TIGD6: variants seen among roughly 807,000 people sequenced by gnomAD.
TIGD6 encodes the protein tigger transposable element derived 6.
In TIGD6, 1 loss-of-function variant was observed where a neutral mutation model predicts 2.6. That is an observed-to-expected ratio of 0.39 (90% confidence interval 0.14 to 1.85). TIGD6 has a LOEUF of 1.85. Ranked by LOEUF, TIGD6 falls within the 40% of genes most tolerant of loss-of-function variation. TIGD6 has a pLI of 0.32. For missense variants in TIGD6, 601 were observed against 634.2 expected, an observed-to-expected ratio of 0.95 and a Z score of 0.56; for synonymous variants, 193 against 221.9, an observed-to-expected ratio of 0.87 and a Z score of 1.16.
chr5:150,000,356 C>T (rs1167561917), intron 1 of TIGD6, 118 bp downstream of exon 1: 1 of 152,962 alleles, frequency 6.5e-6, no homozygotes, highest in East Asian at 1.9e-4. Flanking sequence ...TGAGGTCAGG[C>T]CTTGAACGTC....
rs1755332302 is a variant in TIGD6, at chr5:149,994,627, CA to C, written c.*155del. On this transcript the variant is annotated 3_prime_UTR_variant, in exon 2 of 2. Transcript: ENST00000296736. The stretch of plus-strand genomic sequence containing the variant: ...GCCAAAAACAAAAGAAAAGAAAACA[CA>C]CATATTAGTCAAATTCCATTCAAAG... 1.5e-6 allele frequency: 1 copy of C among 670,920 alleles called. No individual in the cohort carries two copies. The allele number at this position is 670,920 out of a possible 1,614,324, so 41.6% of individuals were successfully genotyped here. A position where few individuals can be genotyped will look rare whatever the true frequency, so the allele number is the denominator to read the frequency against.
rs1755317053 is a variant in TIGD6, at chr5:149,993,900, TA to T, written c.*882del. The T allele has an allele frequency of 6.6e-6, 1 of 151,728 alleles. No homozygotes were observed. 9.4% of individuals were successfully genotyped at this position (151,728 alleles called of 1,614,324 possible). A position where few individuals can be genotyped will look rare whatever the true frequency, so the allele number is the denominator to read the frequency against. ...CCACTGCATTCCAGCCTAGGCAATA[TA>T]ACAAGACCCCATCTTTAAAAACAAA... On this transcript the variant is annotated 3_prime_UTR_variant, in exon 2 of 2. Transcript: ENST00000296736.
At position 149,995,459 on chromosome 5, in the gene TIGD6, C is replaced by CT; in HGVS notation, c.889dup (p.Arg297LysfsTer46). 1.9e-6 allele frequency: 3 copies of CT among 1,614,268 alleles called. No individual in the cohort carries two copies. The highest frequency in any genetic ancestry group is 2.5e-6 in the Non-Finnish European group (3 of 1,180,050). On this transcript the variant is annotated frameshift_variant, in exon 2 of 2. Coordinates refer to ENST00000296736, the MANE Select transcript of TIGD6 (RefSeq NM_030953.4). LOFTEE classifies it low-confidence loss of function (END_TRUNC). ...GGAGGGCAGATACCCAACCTGAATCCTTTCCAAGTGTGGAAGCATGTTATG... is the reference window on the plus strand; with the variant it reads ...GGAGGGCAGATACCCAACCTGAATCCTTTTCCAAGTGTGGAAGCATGTTATG...
chr5:149,995,530 C>T lies in TIGD6; in HGVS notation c.819G>A (p.Lys273=). The change falls in exon 2 of 2, where the codon AAG becomes AAA. Residue 273 remains lysine (K), a synonymous_variant. Coordinates refer to ENST00000296736, the MANE Select transcript of TIGD6 (RefSeq NM_030953.4). The part of the protein sequence containing the change: ...EWLMQVDARM[K]RAERRILLLI... The stretch of plus-strand genomic sequence containing the variant: ...GCAAGAGGATCCGGCGTTCCGCCCT[C>T]TTCATCCTGGCATCCACTTGCATCA... 6.2e-7 allele frequency: 1 copy of T among 1,614,254 alleles called. No individual in the cohort carries two copies. The highest frequency in any genetic ancestry group is 8.5e-7 in the Non-Finnish European group (1 of 1,180,042).
chr5:149,997,830 G>A (rs550267349), intron 1 of TIGD6, among the ~76,000 whole-genome samples: 19 of 152,152 alleles, frequency 1.2e-4, no homozygotes, highest in East Asian at 3.9e-4. Context: ...GCGTGGTGGC[G>A]GGCGCCTGTA....
chr5:149,995,064 T>G lies in TIGD6; in HGVS notation c.1285A>C (p.Ile429Leu), dbSNP rs1755349722. The change falls in exon 2 of 2, where the codon ATC (isoleucine) becomes CTC (leucine). Residue 429 changes from isoleucine to leucine, a missense_variant. By Grantham distance (5) the Ile-to-Leu change is conservative. Transcript: ENST00000296736. The part of the protein sequence containing the change: ...DFVTADDDLI[I>L]SQDTDIIQDM... ...TGGATGATGTCTGTGTCCTGAGAGA[T>G]AATGAGATCATCATCTGCAGTAACA... is the stretch of plus-strand genomic sequence containing the variant. The G allele has an allele frequency of 1.9e-6, 3 of 1,614,128 alleles. No individual in the cohort carries two copies. Among genetic ancestry groups the G allele is most frequent in the Non-Finnish European group, 2.5e-6 (3 of 1,180,056 alleles).
In TIGD6 at chr5:149,996,380, A is replaced by G. The variant is rs1225273626; in HGVS notation, c.-32T>C. The G allele has an allele frequency of 6.4e-7, 1 of 1,561,434 alleles. No homozygotes were observed. On this transcript the variant is annotated 5_prime_UTR_variant, in exon 2 of 2. Coordinates refer to ENST00000296736, the MANE Select transcript of TIGD6 (RefSeq NM_030953.4). ...GGAATGAGGGCTGGCCACAACTAACAGGACTGTCTGGTTCCTCCTCGCGGC... is the reference window on the plus strand; with the variant it reads ...GGAATGAGGGCTGGCCACAACTAACGGGACTGTCTGGTTCCTCCTCGCGGC...
At chr5:149,999,987 A>T (rs1455596803) in intron 1 of TIGD6, 1 of 154,606 alleles carries the variant, frequency 6.5e-6, no homozygotes, top group African/African-American at 2.4e-5. Context: ...GGATGTGGGG[A>T]GAACTACATC....
chr5:150,000,148 TC>T (rs1245701847), intron 1 of TIGD6: 20 of 154,498 alleles, frequency 1.3e-4, no homozygotes, highest in African/African-American at 4.8e-4. Context: ...TCCAATCCAA[TC>T]CCTATTTGAT....
In TIGD6 at chr5:149,995,483, T is replaced by C. The variant is rs760982352; in HGVS notation, c.866A>G (p.His289Arg). The C allele has an allele frequency of 6.2e-7, 1 of 1,614,268 alleles. No individual in the cohort carries two copies. The highest frequency in any genetic ancestry group is 8.5e-7 in the Non-Finnish European group (1 of 1,180,046). The change falls in exon 2 of 2, where the codon CAT becomes CGT. Residue 289 changes from histidine (H) to arginine (R), a missense_variant. By Grantham distance (29) the His-to-Arg change is conservative. Transcript: ENST00000296736. ...ILLLIDNCSAHNMLPHLERIQ... is the reference protein window; with the variant it reads ...ILLLIDNCSARNMLPHLERIQ... ...CCTTTCCAAGTGTGGAAGCATGTTATGAGCAGAGCAGTTGTCTATGAGCAA... is the reference window on the plus strand; with the variant it reads ...CCTTTCCAAGTGTGGAAGCATGTTACGAGCAGAGCAGTTGTCTATGAGCAA...
At position 149,993,261 on chromosome 5, in the gene TIGD6, A is replaced by C. The variant is rs1185368481; in HGVS notation, c.*1522T>G. On this transcript the variant is annotated 3_prime_UTR_variant, in exon 2 of 2. Transcript: ENST00000296736. ...CATTTTCTATGATTAATCTGCTGTT[A>C]CCTGTTTTGACTGAGCTACTACAAA... 1.3e-5 allele frequency: 2 copies of C among 152,134 alleles called. No homozygotes were observed. The highest frequency in any genetic ancestry group is 2.9e-5 in the Non-Finnish European group (2 of 68,028). 9.4% of individuals were successfully genotyped at this position (152,134 alleles called of 1,614,324 possible).
Position 149,995,216 on chromosome 5 carries a change from A to C in TIGD6, c.1133T>G (p.Val378Gly). Residue 378 changes from valine to glycine, a missense_variant, in exon 2 of 2, where the codon GTC becomes GGC. Transcript: ENST00000296736. ...VVKCWQKAGI[V>G]PMEFAECDTE... ...GTCACATTCTGCAAATTCCATAGGG[A>C]CGATGCCTGCCTTCTGCCAACATTT... 6.2e-7 allele frequency: 1 copy of C among 1,614,202 alleles called. No individual in the cohort carries two copies. Among genetic ancestry groups the C allele is most frequent in the Non-Finnish European group, 8.5e-7 (1 of 1,180,044 alleles).
In TIGD6 at chr5:149,995,525, G is replaced by A. The variant is rs201333828; in HGVS notation, c.824C>T (p.Ala275Val). 24 of 1,614,202 alleles carry A rather than the reference G, an allele frequency of 1.5e-5. No homozygotes were observed. The Middle Eastern group carries it at 6.6e-4, about 44-fold the overall frequency. Residue 275 changes from alanine to valine, a missense_variant, in exon 2 of 2, where the codon GCG becomes GTG. Ala to Val is a moderately conservative substitution (Grantham distance 64). Transcript: ENST00000296736. ...TATGAGCAAGAGGATCCGGCGTTCC[G>A]CCCTCTTCATCCTGGCATCCACTTG... ...LMQVDARMKR[A>V]ERRILLLIDN...
Position 149,994,652 on chromosome 5 carries a change from A to G in TIGD6, c.*131T>C, listed in dbSNP as rs1173979917. On this transcript the variant is annotated 3_prime_UTR_variant, in exon 2 of 2. Coordinates refer to ENST00000296736, the MANE Select transcript of TIGD6 (RefSeq NM_030953.4). ...CACATATTAGTCAAATTCCATTCAA[A>G]GAAGTTTCCTGGCTATTTCAGAGTA... 2 of 879,856 alleles carry G rather than the reference A, an allele frequency of 2.3e-6. No individual in the cohort carries two copies. Among genetic ancestry groups the G allele is most frequent in the African/African-American group, 3.5e-5 (2 of 57,604 alleles). 54.5% of individuals were successfully genotyped at this position (879,856 alleles called of 1,614,324 possible). A position where few individuals can be genotyped will look rare whatever the true frequency, so the allele number is the denominator to read the frequency against.
At chr5:150,000,445 C>G (rs1755517410) in intron 1 of TIGD6, 29 bp downstream of exon 1, 1 of 154,222 alleles carries the variant, frequency 6.5e-6, no homozygotes, top group Non-Finnish European at 1.5e-5. Flanking sequence ...CTAGATCCCT[C>G]ACGCTCAGCA....
intron 1 of TIGD6, among the ~76,000 whole-genome samples, chr5:149,998,566 C>T (rs1008829055): frequency 1.3e-5 from 2 of 152,184 alleles, no homozygotes; most frequent in Non-Finnish European, 2.9e-5. Context: ...GAATTTAAAA[C>T]AAACAGTCCC....
chr5:149,999,059 A>C (rs1390395182), intron 1 of TIGD6, among the ~76,000 whole-genome samples: 1 of 152,258 alleles, frequency 6.6e-6, no homozygotes, highest in Middle Eastern at 3.2e-3. Context: ...AATACTATAT[A>C]GGAAATAGAA....
At chr5:149,997,373 A>C (rs1755414136) in intron 1 of TIGD6, among the ~76,000 whole-genome samples, 1 of 152,128 alleles carries the variant, frequency 6.6e-6, no homozygotes, top group East Asian at 1.9e-4. Context: ...CTCCGATTCT[A>C]CTAAAAATAC....
rs9324636 is a variant in TIGD6, at chr5:149,996,174, G to A, written c.175C>T (p.Arg59Trp). ...CGCTGGGGTCCCACGGATGCCTCCC[G>A]CACCTTTTCTTCAAATTTGGTGCGA... is the stretch of plus-strand genomic sequence containing the variant. The part of the protein sequence containing the change: ...KDRTKFEEKV[R>W]EASVGPQRKR... The change falls in exon 2 of 2, where the codon CGG (arginine) becomes TGG (tryptophan). Residue 59 changes from arginine to tryptophan, a missense_variant. Arg to Trp is a moderately radical substitution (Grantham distance 101). Coordinates refer to ENST00000296736, the MANE Select transcript of TIGD6 (RefSeq NM_030953.4). 1.1e-3 allele frequency: 1,832 copies of A among 1,614,102 alleles called. 21 individuals are homozygous for A. The African/African-American group carries it at 0.022, about 19-fold the overall frequency.
Sources: allele counts gnomAD v4.1 joint callset (sites outside exome capture counted in the v4.1 genomes callset), GRCh38; gene constraint gnomAD v4.1.1; transcripts MANE v1.5; gene names NCBI Gene and HGNC (gene_info 2026-07-23, HGNC 2026-07-21).